The following DAB1 variants were observed in gnomAD, a reference collection of about 807,000 sequenced individuals.
DAB1 encodes the protein DAB adaptor protein 1, also known as disabled homolog 1.
In DAB1, 15 loss-of-function variants were observed where a neutral mutation model predicts 64.6. That is an observed-to-expected ratio of 0.23 (90% CI 0.16 to 0.36). The LOEUF is 0.36. Ranked by LOEUF, DAB1 falls within the 10% of genes least tolerant of loss-of-function variation. The pLI is 1.00. For synonymous variants in DAB1, 235 were observed against 251.9 expected, an observed-to-expected ratio of 0.93 and a Z score of 0.64; for missense variants, 596 against 706.7, an observed-to-expected ratio of 0.84 and a Z score of 1.78.
intron 1 of DAB1, among the ~76,000 whole-genome samples, chr1:57,871,362 C>T (rs1346060299): frequency 6.6e-6 from 1 of 152,122 alleles, no homozygotes; most frequent in East Asian, 1.9e-4. Flanking sequence ...TCACATCAAT[C>T]ATATGAGATA....
intron 1 of DAB1, among the ~76,000 whole-genome samples, chr1:57,405,344 G>A (rs2405994): frequency 0.24 from 36,675 of 152,106 alleles, 4,779 homozygotes; most frequent in Non-Finnish European, 0.3. Flanking sequence ...TGCACCATTC[G>A]GCTATCCTGC....
At chr1:57,079,441 G>A (rs1652284258) in intron 4 of DAB1, among the ~76,000 whole-genome samples, 1 of 152,030 alleles carries the variant, frequency 6.6e-6, no homozygotes, top group Admixed American at 6.6e-5. Flanking sequence ...CTGGATTACC[G>A]CAGTATCCTC....
At chr1:57,198,903 C>T (rs1169331665) in intron 2 of DAB1, among the ~76,000 whole-genome samples, 1 of 152,064 alleles carries the variant, frequency 6.6e-6, no homozygotes, top group East Asian at 1.9e-4. Context: ...TGGAATAGGA[C>T]AAGAGCATAA....
chr1:57,421,331 T>G (rs532803223), intron 1 of DAB1, among the ~76,000 whole-genome samples: 1 of 152,334 alleles, frequency 6.6e-6, no homozygotes, highest in South Asian at 2.1e-4. Flanking sequence ...TTATTCAGAT[T>G]TTATCGTTGA....
At chr1:58,163,317 G>A (rs1198661277) in intron 4 of DAB1, among the ~76,000 whole-genome samples, 1 of 152,144 alleles carries the variant, frequency 6.6e-6, no homozygotes, top group Non-Finnish European at 1.5e-5. Flanking sequence ...ATGACATGAC[G>A]GTAGATATGG....
At chr1:57,633,410 T>C (rs1216391756) in intron 7 of DAB1, among the ~76,000 whole-genome samples, 1 of 152,224 alleles carries the variant, frequency 6.6e-6, no homozygotes, top group African/African-American at 2.4e-5. Flanking sequence ...CTGATGCTGC[T>C]GAACCTGGGA....
At chr1:57,653,126 ATAT>A (rs1646275292) in intron 6 of DAB1, among the ~76,000 whole-genome samples, 1 of 152,222 alleles carries the variant, frequency 6.6e-6, no homozygotes. Flanking sequence ...GCTTGGTCAG[ATAT>A]TATCATTCTG....
chr1:57,953,536 C>T (rs1645321905), intron 5 of DAB1, among the ~76,000 whole-genome samples: 1 of 152,188 alleles, frequency 6.6e-6, no homozygotes, highest in Admixed American at 6.5e-5. Flanking sequence ...ACAGAGTGGA[C>T]TCCAACTAGG....
At chr1:58,203,101 T>C (rs1206363772) in intron 4 of DAB1, among the ~76,000 whole-genome samples, 1 of 152,188 alleles carries the variant, frequency 6.6e-6, no homozygotes, top group Non-Finnish European at 1.5e-5. Context: ...TTTAAAATCA[T>C]GATGCAGAAA....
chr1:58,143,728 A>C (rs149593568), intron 5 of DAB1, among the ~76,000 whole-genome samples: 3 of 152,316 alleles, frequency 2.0e-5, no homozygotes, highest in Middle Eastern at 3.4e-3. Context: ...CTAAGCTGTT[A>C]TTATTTTCCT....
chr1:57,085,433 C>T (rs1652972793), intron 4 of DAB1, among the ~76,000 whole-genome samples: 1 of 152,200 alleles, frequency 6.6e-6, no homozygotes. Flanking sequence ...TCAAATACTG[C>T]CCGCTACTGG....
At chr1:57,961,703 T>C (rs1349264426) in intron 5 of DAB1, among the ~76,000 whole-genome samples, 4 of 152,152 alleles carry the variant, frequency 2.6e-5, no homozygotes, top group Admixed American at 6.5e-5. Context: ...GTGTGGTGGC[T>C]CACGCCTGTA....
chr1:57,720,576 G>A (rs1647138196), intron 6 of DAB1, among the ~76,000 whole-genome samples: 1 of 152,194 alleles, frequency 6.6e-6, no homozygotes, highest in African/African-American at 2.4e-5. Context: ...CCTGTGTATT[G>A]TTGGGATATC....
chr1:58,335,021 G>A (rs1663077004), intron 4 of DAB1, among the ~76,000 whole-genome samples: 1 of 152,120 alleles, frequency 6.6e-6, no homozygotes, highest in Non-Finnish European at 1.5e-5. Context: ...AAATAAACAA[G>A]TAAATATATA....
At chr1:57,063,046 G>A (rs1650558413) in intron 8 of DAB1, 103 bp from the exon 9 acceptor site, 2 of 984,008 alleles carry the variant, frequency 2.0e-6, no homozygotes, top group African/African-American at 1.6e-5. Context: ...GGGTGCCTGA[G>A]AATGGCCCCA....
intron 6 of DAB1, among the ~76,000 whole-genome samples, chr1:57,674,715 C>T (rs561059353): frequency 7.2e-5 from 11 of 152,280 alleles, no homozygotes; most frequent in African/African-American, 2.4e-4. Flanking sequence ...AATACTATTT[C>T]GGCCTCTGTC....
At chr1:57,531,184 T>C (rs1570601130) in intron 7 of DAB1, among the ~76,000 whole-genome samples, 1 of 152,222 alleles carries the variant, frequency 6.6e-6, no homozygotes, top group Non-Finnish European at 1.5e-5. Flanking sequence ...CTGATGACAT[T>C]CCACCATTGT....
chr1:58,175,153 GA>G (rs1267427131), intron 4 of DAB1, among the ~76,000 whole-genome samples: 3 of 152,188 alleles, frequency 2.0e-5, no homozygotes, highest in Non-Finnish European at 4.4e-5. Context: ...TTACCTTTAT[GA>G]GCTGTAACAC....
intron 6 of DAB1, among the ~76,000 whole-genome samples, chr1:57,709,638 G>A (rs1323554255): frequency 6.6e-6 from 1 of 152,108 alleles, no homozygotes; most frequent in African/African-American, 2.4e-5. Context: ...AGAGAAAATG[G>A]GTTGCTGGTT....
Sources: gnomAD v4.1 joint callset for allele counts (sites outside exome capture counted in the v4.1 genomes callset) on GRCh38, gnomAD v4.1.1 for gene constraint, MANE v1.5 for transcripts, NCBI Gene and HGNC (gene_info 2026-07-23, HGNC 2026-07-21) for gene names.